Variants in SHISA5 observed in about 807,000 individuals in gnomAD.
SHISA5 encodes shisa family member 5.
In SHISA5, 21 loss-of-function variants were observed where a neutral mutation model predicts 27.5. The observed-to-expected ratio is 0.76, with a 90% CI of 0.54 to 1.10. The LOEUF is 1.10. SHISA5 is among the 50% of genes least tolerant of loss of function. The probability of loss-of-function intolerance (pLI) is 0.00; values close to 1 mark genes in which losing one functional copy is unlikely to be tolerated. For synonymous variants in SHISA5, 137 were observed against 142.2 expected (o/e 0.96, Z 0.26); for missense variants, 314 against 336.3 (o/e 0.93, Z 0.52).
At chr3:48,485,468 C>A (rs2041173674) in intron 2 of SHISA5, among the ~76,000 whole-genome samples, 1 of 147,548 alleles carries the variant, frequency 6.8e-6, no homozygotes, top group African/African-American at 2.5e-5. Flanking sequence ...GCACTTGTTG[C>A]CCACCATGGG....
Position 48,469,541 on chromosome 3 carries a change from C to T in SHISA5, c.463G>A (p.Val155Met). The change falls in exon 5 of 6, where the codon GTG (valine) becomes ATG (methionine). Residue 155 changes from valine (V) to methionine (M), a missense_variant. Transcript: ENST00000296444. This position sits in a 1 kb window ranked among gnomAD's most constrained non-coding sequence, Gnocchi z 4.6. ...VVTTTTSTTV[V>M]HAPYPQPPSV... ...GGAGGCTGAGGATAAGGGGCATGCACCACAGTGGTGGATGTGGTGGTGGTG... is the reference window on the plus strand; with the variant it reads ...GGAGGCTGAGGATAAGGGGCATGCATCACAGTGGTGGATGTGGTGGTGGTG... The T allele has an allele frequency of 6.2e-7, 1 of 1,611,710 alleles. No homozygotes were observed. The highest frequency in any genetic ancestry group is 8.5e-7 in the Non-Finnish European group (1 of 1,178,520).
At chr3:48,501,441 C>A in intron 1 of SHISA5, 148 bp from the exon 2 acceptor site, 1 of 863,368 alleles carries the variant, frequency 1.2e-6, no homozygotes, top group Non-Finnish European at 1.8e-6. Context: ...CACCTTCTGA[C>A]CCCTGGCCAC....
intron 1 of SHISA5, chr3:48,502,477 CA>C (rs1432459632): frequency 2.2e-6 from 1 of 447,856 alleles, no homozygotes; most frequent in Admixed American, 2.4e-5. Context: ...AGACTCTCAG[CA>C]CAGAGTTGGG....
At chr3:48,486,052 G>C (rs1245249396) in intron 2 of SHISA5, among the ~76,000 whole-genome samples, 1 of 149,976 alleles carries the variant, frequency 6.7e-6, no homozygotes, top group African/African-American at 2.5e-5. Context: ...ATCTGAGAAC[G>C]CTAGAGTTAC....
rs2041230677 is a variant in SHISA5 at position 48,486,357 on chromosome 3, A to ATATTATATAATATATAATATATAATG, written c.234-7101_234-7100insCATTATATATTATATATTATATAATA. On this transcript the variant is annotated intron_variant, in intron 2 of 5. Transcript: ENST00000296444. ...ATAATATATAATGATAATGTATTAT[A>ATATTATATAATATATAATATATAATG]TATTATATATTATATAATATATAAT... Among the ~76,000 whole-genome samples, 60 of 91,754 alleles carry ATATTATATAATATATAATATATAATG rather than the reference A, an allele frequency of 6.5e-4. 3 individuals carry two copies. The highest frequency in any genetic ancestry group is 3.0e-3 in the African/African-American group (59 of 19,532). The allele number at this position is 91,754 out of a possible 152,430, so 60.2% of individuals were successfully genotyped here. A position where few individuals can be genotyped will look rare whatever the true frequency, so the allele number is the denominator to read the frequency against.
chr3:48,501,115 T>G lies in SHISA5; in HGVS notation c.233+22A>C, dbSNP rs377344687. On this transcript the variant is annotated intron_variant, in intron 2 of 5. Transcript: ENST00000296444. ...GGGCACAGGCTCAAGCCACCCACCCTGTGACCCACTGGTGCACCCACCTGG... is the reference window on the plus strand; with the variant it reads ...GGGCACAGGCTCAAGCCACCCACCCGGTGACCCACTGGTGCACCCACCTGG... The G allele has an allele frequency of 2.1e-5, 34 of 1,599,310 alleles. No homozygotes were observed. The African/African-American group carries it at 4.3e-4, about 20-fold the overall frequency.
rs764734905 is a variant in SHISA5, at chr3:48,479,163, C to T, written c.314+14G>A. ...TTGCCAGGAAGATGCACCCAGCCAG[C>T]AGGCTTTACTTACCCTGACATGGGG... On this transcript the variant is annotated intron_variant, in intron 3 of 5. Coordinates refer to ENST00000296444, the MANE Select transcript of SHISA5 (RefSeq NM_016479.6). The T allele has an allele frequency of 3.1e-6, 5 of 1,601,024 alleles. No homozygotes were observed. The highest frequency in any genetic ancestry group is 4.3e-6 in the Non-Finnish European group (5 of 1,174,700).
At chr3:48,492,885 A>G (rs987735987) in intron 2 of SHISA5, among the ~76,000 whole-genome samples, 2,399 of 147,588 alleles carry the variant, frequency 0.016, 104 homozygotes, top group Non-Finnish European at 0.017. Flanking sequence ...ACGTGAGGAC[A>G]TAACCAGGAA....
chr3:48,479,486 A>G, intron 2 of SHISA5: 1 of 541,508 alleles, frequency 1.8e-6, no homozygotes, highest in South Asian at 2.6e-5. Context: ...TAGGCCACAA[A>G]ACAAGTCTCA....
In SHISA5 at chr3:48,501,312, T is replaced by G; in HGVS notation, c.77-19A>C. 1 of 1,611,038 alleles carries G rather than the reference T, an allele frequency of 6.2e-7. No homozygotes were observed. Among genetic ancestry groups the G allele is most frequent in the South Asian group, 1.1e-5 (1 of 90,658 alleles). ...CCACGTGCTGGAGAGGAGAAACACA[T>G]CTGTTCACCTGTGCCCACGGGCCAG... is the stretch of plus-strand genomic sequence containing the variant. On this transcript the variant is annotated intron_variant, in intron 1 of 5. Coordinates refer to ENST00000296444, the MANE Select transcript of SHISA5 (RefSeq NM_016479.6).
At position 48,501,218 on chromosome 3, in the gene SHISA5, G is replaced by T; in HGVS notation, c.152C>A (p.Thr51Asn). The change falls in exon 2 of 6, where the codon ACC (threonine) becomes AAC (asparagine). Residue 51 changes from threonine (T) to asparagine (N), a missense_variant. Transcript: ENST00000296444. ...PESCPDFCCG[T>N]CDDQYCCSDV... ...AGAGCAGCAGTATTGGTCATCACAGGTACCACAGCAGAAATCTGGACAGGA... is the reference window on the plus strand; with the variant it reads ...AGAGCAGCAGTATTGGTCATCACAGTTACCACAGCAGAAATCTGGACAGGA... The T allele has an allele frequency of 6.2e-7, 1 of 1,614,120 alleles. No individual in the cohort carries two copies. Among genetic ancestry groups the T allele is most frequent in the Non-Finnish European group, 8.5e-7 (1 of 1,180,010 alleles).
intron 2 of SHISA5, among the ~76,000 whole-genome samples, chr3:48,492,245 C>A (rs1474426603): frequency 7.3e-6 from 1 of 136,536 alleles, no homozygotes; most frequent in Admixed American, 7.7e-5. Context: ...CCGAGGCGGG[C>A]GGATCACGAG....
Position 48,488,901 on chromosome 3 carries a change from A to C in SHISA5, c.234-9644T>G, listed in dbSNP as rs141241668. Among the ~76,000 whole-genome samples the C allele has an allele frequency of 9.2e-5, 14 of 152,310 alleles. No homozygotes were observed. In the East Asian group the frequency reaches 2.7e-3, roughly 29 times the overall value. On this transcript the variant is annotated intron_variant, in intron 2 of 5. Transcript: ENST00000296444. ...AAGCAAAAAAAGAACTAGAATTTAA[A>C]AATCTGGACAATTCTCAGCCTATCC... is the stretch of plus-strand genomic sequence containing the variant.
At position 48,501,112 on chromosome 3, in the gene SHISA5, C is replaced by T. The variant is rs3924179; in HGVS notation, c.233+25G>A. 7,420 of 1,596,774 alleles carry T rather than the reference C, an allele frequency of 4.6e-3. 322 individuals are homozygous for T. In the African/African-American group the frequency reaches 0.088, roughly 19 times the overall value. ...GTGGGGCACAGGCTCAAGCCACCCACCCTGTGACCCACTGGTGCACCCACC... is the reference window on the plus strand; with the variant it reads ...GTGGGGCACAGGCTCAAGCCACCCATCCTGTGACCCACTGGTGCACCCACC... On this transcript the variant is annotated intron_variant, in intron 2 of 5. Transcript: ENST00000296444.
chr3:48,480,120 G>A (rs2040959515), intron 2 of SHISA5, among the ~76,000 whole-genome samples: 1 of 150,690 alleles, frequency 6.6e-6, no homozygotes, highest in African/African-American at 2.4e-5. Context: ...AGCCAGGATG[G>A]TCTCGATCTC....
In SHISA5 at chr3:48,469,062, C is replaced by T; in HGVS notation, c.*45G>A. On this transcript the variant is annotated 3_prime_UTR_variant, in exon 6 of 6. Coordinates refer to ENST00000296444, the MANE Select transcript of SHISA5 (RefSeq NM_016479.6). The surrounding 1 kb of genome is among the most constrained non-coding windows in gnomAD (Gnocchi z 4.6). The stretch of plus-strand genomic sequence containing the variant: ...ACCGCGCCTGCACACCACTCACGCA[C>T]ACACACAACATAACCAAGTGGCAGC... 3.7e-6 allele frequency: 6 copies of T among 1,611,340 alleles called. No individual in the cohort carries two copies. Among genetic ancestry groups the T allele is most frequent in the South Asian group, 1.1e-5 (1 of 91,088 alleles).
At position 48,486,488 on chromosome 3, in the gene SHISA5, T is replaced by TTA. The variant is rs1258084418; in HGVS notation, c.234-7233_234-7232dup. On this transcript the variant is annotated intron_variant, in intron 2 of 5. Coordinates refer to ENST00000296444, the MANE Select transcript of SHISA5 (RefSeq NM_016479.6). ...ATAATTATATTATATATATTACATA[T>TTA]TATATATATTTATAATTATATAATA... is the stretch of plus-strand genomic sequence containing the variant. Among the ~76,000 whole-genome samples, 3 of 112,396 alleles carry TTA rather than the reference T, an allele frequency of 2.7e-5. No individual in the cohort carries two copies. The East Asian group carries it at 6.7e-4, about 25-fold the overall frequency. The allele number at this position is 112,396 out of a possible 152,430, so 73.7% of individuals were successfully genotyped here.
chr3:48,495,742 C>T lies in SHISA5; in HGVS notation c.233+5395G>A, dbSNP rs878879117. Among the ~76,000 whole-genome samples, 245 of 147,466 alleles carry T rather than the reference C, an allele frequency of 1.7e-3. 5 individuals are homozygous for T. Among genetic ancestry groups the T allele is most frequent in the Non-Finnish European group, 2.8e-3 (189 of 67,820 alleles). On this transcript the variant is annotated intron_variant, in intron 2 of 5. Transcript: ENST00000296444. ...TTCACTGTGTTGGCCAGCCTGATCT[C>T]GAACTCCAGACCTCGTGATCTGCCC...
intron 2 of SHISA5, among the ~76,000 whole-genome samples, chr3:48,497,365 G>C (rs1575331133): frequency 1.4e-5 from 2 of 145,808 alleles, no homozygotes; most frequent in Middle Eastern, 6.9e-3. Context: ...CTGGGTTCAA[G>C]CAATTCTCTG....
Sources: gnomAD v4.1 joint callset for allele counts (sites outside exome capture counted in the v4.1 genomes callset) on GRCh38, gnomAD v4.1.1 for gene constraint, Gnocchi (gnomAD v3.1) non-coding constraint, MANE v1.5 for transcripts, NCBI Gene and HGNC (gene_info 2026-07-23, HGNC 2026-07-21) for gene names.